Variants in CNIH3 observed in about 807,000 individuals in gnomAD.
The protein encoded by CNIH3 is cornichon family AMPA receptor auxiliary protein 3, also known as protein cornichon homolog 3.
Under a neutral mutation model 24.1 loss-of-function variants are expected in CNIH3, and 14 were observed. That is an observed-to-expected ratio of 0.58 (90% CI 0.38 to 0.91). The LOEUF is 0.91. CNIH3 is among the 40% of genes least tolerant of loss of function. The pLI, the probability that CNIH3 is intolerant of heterozygous loss-of-function variation, is 0.00. For missense variants in CNIH3, 178 were observed against 196.8 expected, an observed-to-expected ratio of 0.90 and a Z score of 0.57; for synonymous variants, 68 against 73.8, an observed-to-expected ratio of 0.92 and a Z score of 0.40.
intron 2 of CNIH3, among the ~76,000 whole-genome samples, chr1:224,546,587 A>G (rs1239749980): frequency 1.3e-5 from 2 of 152,166 alleles, no homozygotes. Flanking sequence ...AAGAAAAGGG[A>G]GGAGTTCCAT....
At chr1:224,668,046 G>A (rs1244763292) in intron 1 of CNIH3, among the ~76,000 whole-genome samples, 1 of 152,136 alleles carries the variant, frequency 6.6e-6, no homozygotes, top group Non-Finnish European at 1.5e-5. Flanking sequence ...AGAACACAAG[G>A]AACAGAAAGA....
At chr1:224,596,969 G>A (rs2405315) in intron 3 of CNIH3, among the ~76,000 whole-genome samples, 106,010 of 151,868 alleles carry the variant, frequency 0.7, 38,682 homozygotes, top group East Asian at 0.99. Context: ...CCTGGCCAAC[G>A]TGGTGAAACC....
At chr1:224,710,718 G>A (rs1283787714) in intron 3 of CNIH3, among the ~76,000 whole-genome samples, 3 of 152,166 alleles carry the variant, frequency 2.0e-5, no homozygotes, top group African/African-American at 7.2e-5. Context: ...TTACTGCCCT[G>A]TGATTTGAGA....
chr1:224,660,947 A>C (rs1265646348), intron 1 of CNIH3, among the ~76,000 whole-genome samples: 1 of 152,234 alleles, frequency 6.6e-6, no homozygotes, highest in Non-Finnish European at 1.5e-5. Context: ...CAAAGTGCAT[A>C]CAGATATTTA....
intron 3 of CNIH3, among the ~76,000 whole-genome samples, chr1:224,552,779 T>C (rs890761032): frequency 2.0e-5 from 3 of 151,542 alleles, no homozygotes; most frequent in Non-Finnish European, 4.4e-5. Context: ...CCCTGTGATA[T>C]TAGGAGTAAT....
At chr1:224,640,610 T>G (rs1278285679) in intron 1 of CNIH3, among the ~76,000 whole-genome samples, 9 of 152,200 alleles carry the variant, frequency 5.9e-5, no homozygotes, top group Non-Finnish European at 1.2e-4. Flanking sequence ...CTAGCTATTC[T>G]CTGCTCATTA....
In CNIH3 at chr1:224,597,155, A is replaced by G. The variant is rs148212732; in HGVS notation, n.402+30891A>G. ...CAAAAAGAGTGAAGCTCTGTCTCAAAAACAAACAAACAAACAAACAAAAAA... is the reference window on the plus strand; with the variant it reads ...CAAAAAGAGTGAAGCTCTGTCTCAAGAACAAACAAACAAACAAACAAAAAA... On this transcript the variant is annotated intron_variant and non_coding_transcript_variant, in intron 3 of 7. Coordinates refer to the CNIH3 transcript ENST00000478120. 2.0e-3 allele frequency among the ~76,000 whole-genome samples: 258 copies of G among 128,662 alleles called. 7 individuals are homozygous for G. In the East Asian group the frequency reaches 0.063, roughly 32 times the overall value. 84.4% of individuals were successfully genotyped at this position (128,662 alleles called of 152,430 possible). A position where few individuals can be genotyped will look rare whatever the true frequency, so the allele number is the denominator to read the frequency against.
intron 2 of CNIH3, among the ~76,000 whole-genome samples, chr1:224,683,388 A>G (rs1037350187): frequency 2.6e-5 from 4 of 152,156 alleles, no homozygotes; most frequent in African/African-American, 9.7e-5. Flanking sequence ...TTATGCTGTT[A>G]CTCCCTGGCA....
In CNIH3 at chr1:224,458,077, C is replaced by T. The variant is rs370454760; in HGVS notation, n.203+23215C>T. On this transcript the variant is annotated intron_variant and non_coding_transcript_variant, in intron 1 of 5. Transcript: ENST00000471578. The surrounding 1 kb of genome is among the most constrained non-coding windows in gnomAD (Gnocchi z 4.3). ...GTACTGCACTTGGGCAGGATATTCC[C>T]TTCCAGGGCTCCTACCCTCTCCTGA... Among the ~76,000 whole-genome samples, 5 of 152,174 alleles carry T rather than the reference C, an allele frequency of 3.3e-5. No homozygotes were observed. The highest frequency in any genetic ancestry group is 7.4e-5 in the Non-Finnish European group (5 of 68,024).
intron 1 of CNIH3, among the ~76,000 whole-genome samples, chr1:224,493,233 G>A (rs1407136188): frequency 2.6e-5 from 4 of 152,226 alleles, no homozygotes; most frequent in Non-Finnish European, 4.4e-5. Flanking sequence ...TGGTGGGTAA[G>A]TAGGGTAGGT....
chr1:224,655,438 C>T (rs116018622), intron 1 of CNIH3, among the ~76,000 whole-genome samples: 23 of 151,966 alleles, frequency 1.5e-4, no homozygotes, highest in African/African-American at 5.1e-4. Flanking sequence ...GGCTTTTGAG[C>T]GCAGTTAACT....
At chr1:224,435,192 G>T in intron 1 of CNIH3, 1 of 986,500 alleles carries the variant, frequency 1.0e-6, no homozygotes, top group Non-Finnish European at 1.2e-6. Flanking sequence ...CAGAAGGTGA[G>T]GATGGGGCAG....
chr1:224,705,850 C>CTTTTTTTTTTTTTTTTTTTTTTTTTTTT (rs61128987), intron 3 of CNIH3, among the ~76,000 whole-genome samples: 1 of 90,206 alleles, frequency 1.1e-5, no homozygotes, highest in Non-Finnish European at 2.4e-5. Flanking sequence ...TCTTTCTTTT[C>CTTTTTTTTTTTTTTTTTTTTTTTTTTTT]TTTTTTTTCT....
intron 3 of CNIH3, among the ~76,000 whole-genome samples, chr1:224,552,129 T>C (rs1679947671): frequency 6.6e-6 from 1 of 151,450 alleles, no homozygotes; most frequent in Non-Finnish European, 1.5e-5. Context: ...ATATCTCCCT[T>C]AGATATTACA....
intron 3 of CNIH3, among the ~76,000 whole-genome samples, chr1:224,705,441 C>G (rs561342513): frequency 1.1e-4 from 16 of 152,374 alleles, no homozygotes; most frequent in Middle Eastern, 6.8e-3. Context: ...CCCCTTTCCA[C>G]AGTGGTGTTT....
At position 224,739,625 on chromosome 1, in the gene CNIH3, G is replaced by C; in HGVS notation, c.*269G>C. ...CCTTCTGAGCATCAGTGGTGTGGGG[G>C]AGTAGGTGACGAAACACTAGACCTC... On this transcript the variant is annotated 3_prime_UTR_variant, in exon 6 of 6. Transcript: ENST00000272133. 1 of 563,540 alleles carries C rather than the reference G, an allele frequency of 1.8e-6. No homozygotes were observed. The highest frequency in any genetic ancestry group is 3.0e-6 in the Non-Finnish European group (1 of 330,874). The allele number at this position is 563,540 out of a possible 1,614,324, so 34.9% of individuals were successfully genotyped here. A position where few individuals can be genotyped will look rare whatever the true frequency, so the allele number is the denominator to read the frequency against.
chr1:224,570,007 C>T (rs1460575605), intron 4 of CNIH3, among the ~76,000 whole-genome samples: 2 of 152,128 alleles, frequency 1.3e-5, no homozygotes, highest in African/African-American at 2.4e-5. Context: ...TGGTCTTGAA[C>T]TCCCAACCTC....
chr1:224,502,767 A>G (rs993451996), intron 1 of CNIH3, among the ~76,000 whole-genome samples: 1 of 152,186 alleles, frequency 6.6e-6, no homozygotes, highest in African/African-American at 2.4e-5. Flanking sequence ...CAATTTAAAC[A>G]CTGGCAAACA....
intron 1 of CNIH3, among the ~76,000 whole-genome samples, chr1:224,624,710 A>G (rs538992253): frequency 6.6e-6 from 1 of 152,250 alleles, no homozygotes; most frequent in African/African-American, 2.4e-5. Context: ...AGAGTGATCT[A>G]ATACCTGAAA....
Sources: gnomAD v4.1 joint callset for allele counts (sites outside exome capture counted in the v4.1 genomes callset) on GRCh38, gnomAD v4.1.1 for gene constraint, Gnocchi (gnomAD v3.1) non-coding constraint, MANE v1.5 for transcripts, NCBI Gene and HGNC (gene_info 2026-07-23, HGNC 2026-07-21) for gene names.